The following DTNBP1 variants were observed in gnomAD, a reference collection of about 807,000 sequenced individuals.
DTNBP1 encodes dysbindin.
In DTNBP1, 35 loss-of-function variants were observed where a neutral mutation model predicts 42.8. That is an observed-to-expected ratio of 0.82 (90% confidence interval 0.63 to 1.09). DTNBP1 has a LOEUF of 1.09. Among genes scored for constraint, DTNBP1 ranks in the 50% least tolerant of loss-of-function variants. DTNBP1 has a pLI of 0.00. For missense variants in DTNBP1, 457 were observed against 424.2 expected, an observed-to-expected ratio of 1.08 and a Z score of -0.68; for synonymous variants, 171 against 162.2, an observed-to-expected ratio of 1.05 and a Z score of -0.41.
chr6:15,551,632 C>T (rs528562105), intron 7 of DTNBP1, among the ~76,000 whole-genome samples: 51 of 152,286 alleles, frequency 3.3e-4, no homozygotes, highest in South Asian at 8.3e-4. Context: ...CTTTCCTCCA[C>T]GCTCCCACAT....
At chr6:15,596,886 T>C (rs952212094) in intron 6 of DTNBP1, among the ~76,000 whole-genome samples, 4 of 152,194 alleles carry the variant, frequency 2.6e-5, no homozygotes, top group African/African-American at 9.7e-5. Context: ...TCCTCAAGTT[T>C]TGGCTCATCC....
chr6:15,602,700 C>A (rs1036698922), intron 6 of DTNBP1, among the ~76,000 whole-genome samples: 7 of 152,058 alleles, frequency 4.6e-5, no homozygotes, highest in Non-Finnish European at 8.8e-5. Flanking sequence ...AAAAGGATTA[C>A]CTACTTTTCA....
intron 7 of DTNBP1, among the ~76,000 whole-genome samples, chr6:15,577,094 A>AG (rs1338327438): frequency 6.6e-6 from 1 of 152,256 alleles, no homozygotes; most frequent in Non-Finnish European, 1.5e-5. Flanking sequence ...AAGCAGCAGA[A>AG]GGGAACGAGC....
At chr6:15,550,402 C>T (rs1774145691) in intron 7 of DTNBP1, among the ~76,000 whole-genome samples, 1 of 151,926 alleles carries the variant, frequency 6.6e-6, no homozygotes, top group Non-Finnish European at 1.5e-5. Flanking sequence ...TTTTGTTTCC[C>T]ACAACATTTA....
At chr6:15,559,208 G>A (rs1774700257) in intron 7 of DTNBP1, among the ~76,000 whole-genome samples, 1 of 152,194 alleles carries the variant, frequency 6.6e-6, no homozygotes, top group African/African-American at 2.4e-5. Context: ...AGTTGACAAC[G>A]ACCAGTTGAA....
chr6:15,567,611 G>A (rs549195140), intron 7 of DTNBP1, among the ~76,000 whole-genome samples: 9 of 152,194 alleles, frequency 5.9e-5, no homozygotes, highest in Non-Finnish European at 8.8e-5. Context: ...AAGCCCCCTC[G>A]CTTCACATTG....
intron 7 of DTNBP1, among the ~76,000 whole-genome samples, chr6:15,584,088 T>C (rs1203012578): frequency 1.3e-5 from 2 of 152,146 alleles, no homozygotes; most frequent in African/African-American, 4.8e-5. Context: ...TTACAGGATA[T>C]AGATACTAAC....
At position 15,549,491 on chromosome 6, in the gene DTNBP1, T is replaced by TAA. The variant is rs1171397685; in HGVS notation, c.512-16098_512-16097dup. On this transcript the variant is annotated intron_variant, in intron 7 of 9. Coordinates refer to ENST00000344537, the MANE Select transcript of DTNBP1 (RefSeq NM_032122.5). ...CAGAGCAAGACTTTGTCTCAGGGAT[T>TAA]AAAAAAAAAAAAAAAAAAAAAAAAA... Among the ~76,000 whole-genome samples the TAA allele has an allele frequency of 2.8e-3, 216 of 77,964 alleles. 3 individuals are homozygous for TAA. Among genetic ancestry groups the TAA allele is most frequent in the African/African-American group, 9.9e-3 (199 of 20,044 alleles). The allele number at this position is 77,964 out of a possible 152,430, so 51.1% of individuals were successfully genotyped here.
chr6:15,623,279 C>T (rs999064452), intron 5 of DTNBP1, among the ~76,000 whole-genome samples: 1 of 152,102 alleles, frequency 6.6e-6, no homozygotes, highest in Non-Finnish European at 1.5e-5. Context: ...AAATTCTGTA[C>T]AGAAAAAAGC....
chr6:15,562,871 C>T (rs1200721393), intron 7 of DTNBP1, among the ~76,000 whole-genome samples: 1 of 152,206 alleles, frequency 6.6e-6, no homozygotes, highest in African/African-American at 2.4e-5. Context: ...CCTACCTGGT[C>T]ACTCCAAATC....
intron 7 of DTNBP1, among the ~76,000 whole-genome samples, chr6:15,555,674 A>C (rs1423305257): frequency 6.6e-6 from 1 of 152,210 alleles, no homozygotes; most frequent in East Asian, 1.9e-4. Flanking sequence ...AAAAAGGGGA[A>C]GAACCCTCAG....
chr6:15,590,176 C>T (rs1021568360), intron 7 of DTNBP1, among the ~76,000 whole-genome samples: 9 of 152,152 alleles, frequency 5.9e-5, no homozygotes, highest in Admixed American at 3.9e-4. Flanking sequence ...TCAAGTGATC[C>T]GCTTGCCTCA....
chr6:15,569,479 C>T (rs926815811), intron 7 of DTNBP1, among the ~76,000 whole-genome samples: 3 of 151,912 alleles, frequency 2.0e-5, no homozygotes, highest in African/African-American at 4.8e-5. Flanking sequence ...CACTCCAAAC[C>T]CCTTAAAATC....
At chr6:15,538,917 T>C (rs1773399690) in intron 7 of DTNBP1, among the ~76,000 whole-genome samples, 1 of 152,192 alleles carries the variant, frequency 6.6e-6, no homozygotes, top group Non-Finnish European at 1.5e-5. Flanking sequence ...GTTATCAAGA[T>C]TGTTAACAAA....
intron 3 of DTNBP1, among the ~76,000 whole-genome samples, chr6:15,644,954 C>CA (rs903755099): frequency 1.2e-3 from 175 of 146,172 alleles, no homozygotes; most frequent in African/African-American, 3.3e-3. Context: ...AAATTGAGAC[C>CA]AAAAAAAAAC....
intron 3 of DTNBP1, among the ~76,000 whole-genome samples, chr6:15,647,760 T>A (rs9476883): frequency 0.13 from 19,569 of 151,686 alleles, 1,597 homozygotes; most frequent in African/African-American, 0.23. Flanking sequence ...GGAAACTGAA[T>A]CAGTAATAAA....
At chr6:15,546,428 G>A (rs890370858) in intron 7 of DTNBP1, among the ~76,000 whole-genome samples, 3 of 152,034 alleles carry the variant, frequency 2.0e-5, no homozygotes, top group Admixed American at 2.0e-4. Context: ...GCAGGAAAGG[G>A]TGATCCCAAA....
At chr6:15,659,709 T>C (rs1761490868) in intron 1 of DTNBP1, among the ~76,000 whole-genome samples, 1 of 152,058 alleles carries the variant, frequency 6.6e-6, no homozygotes, top group Admixed American at 6.6e-5. Context: ...CACGCCACCA[T>C]GGCCAGCTAA....
chr6:15,524,202 A>G, intron 9 of DTNBP1: 1 of 1,498,852 alleles, frequency 6.7e-7, no homozygotes, highest in Non-Finnish European at 8.9e-7. Flanking sequence ...ACCTCCCTGC[A>G]AACGCCAGTC....
Sources: gnomAD v4.1 joint callset for allele counts (sites outside exome capture counted in the v4.1 genomes callset) on GRCh38, gnomAD v4.1.1 for gene constraint, MANE v1.5 for transcripts, NCBI Gene and HGNC (gene_info 2026-07-23, HGNC 2026-07-21) for gene names.